The following CALM2 variants were observed in gnomAD, a reference collection of about 807,000 sequenced individuals.
CALM2 encodes calmodulin-2.
In CALM2, 2 loss-of-function variants were observed where a neutral mutation model predicts 19.8. That is an observed-to-expected ratio of 0.10 (90% CI 0.04 to 0.32). The LOEUF is 0.32. CALM2 is among the 10% of genes least tolerant of loss of function. The pLI, the probability that CALM2 is intolerant of heterozygous loss-of-function variation, is 1.00. For missense variants in CALM2, 38 were observed against 178.7 expected, an observed-to-expected ratio of 0.21 and a Z score of 4.49; for synonymous variants, 51 against 52.1, an observed-to-expected ratio of 0.98 and a Z score of 0.09.
chr2:47,176,674 G>C (rs912299596), upstream of CALM2: 6 of 1,432,840 alleles, frequency 4.2e-6, no homozygotes, highest in Non-Finnish European at 5.5e-6. Context: ...GATGAGGCAA[G>C]AGATCAAGGA....
At chr2:47,163,435 G>GT (rs1461471146) in intron 2 of CALM2, 146 of 143,792 alleles carry the variant, frequency 1.0e-3, no homozygotes, top group South Asian at 1.1e-3. Flanking sequence ...CCTTCCTGCT[G>GT]TTGTTTTTTT....
intron 1 of CALM2, chr2:47,172,614 CTTTG>C (rs750052079): frequency 5.7e-5 from 24 of 418,328 alleles, no homozygotes; most frequent in Admixed American, 1.9e-4. Flanking sequence ...TCAATGTTAA[CTTTG>C]TTTAAGCTGA....
chr2:47,162,171 C>CAAAAAAAAAAAA (rs56839340), intron 4 of CALM2, 115 bp downstream of exon 4: 167 of 130,126 alleles, frequency 1.3e-3, no homozygotes, highest in East Asian at 2.7e-3. Flanking sequence ...GGTAAATCAT[C>CAAAAAAAAAAAA]AAAAAAAAAA....
chr2:47,171,469 G>A (rs1442292966), intron 1 of CALM2: 1 of 152,274 alleles, frequency 6.6e-6, no homozygotes, highest in South Asian at 2.1e-4. Flanking sequence ...CTATCTTACA[G>A]ATAAGGAATG....
At chr2:47,176,526 G>GC, upstream of CALM2, 1 of 1,586,562 alleles carries the variant, frequency 6.3e-7, no homozygotes, top group Non-Finnish European at 8.6e-7. Context: ...CGCCTCCTCC[G>GC]CCCCCAGCGC....
chr2:47,162,728 G>GT, intron 2 of CALM2, 66 bp from the exon 3 acceptor site: 1 of 1,318,340 alleles, frequency 7.6e-7, no homozygotes, highest in Non-Finnish European at 1.0e-6. Flanking sequence ...TAAATGAAAC[G>GT]TATTAACTCT....
At chr2:47,168,939 G>A (rs1173046939) in intron 2 of CALM2, among the ~76,000 whole-genome samples, 1 of 152,020 alleles carries the variant, frequency 6.6e-6, no homozygotes, top group African/African-American at 2.4e-5. Context: ...CACCATGCCT[G>A]GCTAATTTTT....
chr2:47,172,568 GCATTTATTAAGC>G, intron 1 of CALM2: 1 of 773,106 alleles, frequency 1.3e-6, no homozygotes, highest in Non-Finnish European at 1.8e-6. Context: ...GACATGCATG[GCATTTATTAAGC>G]CCTTTATGGT....
At chr2:47,172,158 G>T (rs754114726) in intron 1 of CALM2, 1 of 205,404 alleles carries the variant, frequency 4.9e-6, no homozygotes, top group South Asian at 6.8e-5. Context: ...AAGGAATAAG[G>T]TTTAAAATCC....
chr2:47,167,799 A>ATTTTTTTTTTTTTTTTTTTTTTTT (rs1277883594), intron 2 of CALM2: 2 of 20,076 alleles, frequency 1.0e-4, no homozygotes, highest in African/African-American at 2.3e-4. Context: ...AAAAAAAAAA[A>ATTTTTTTTTTTTTTTTTTTTTTTT]TTTTTTTTTC....
At chr2:47,169,156 A>C (rs1427182467) in intron 2 of CALM2, among the ~76,000 whole-genome samples, 2 of 152,204 alleles carry the variant, frequency 1.3e-5, no homozygotes, top group African/African-American at 4.8e-5. Context: ...TTTCTACCCT[A>C]AAGTGAACAT....
chr2:47,175,380 C>T (rs78584946), intron 1 of CALM2, among the ~76,000 whole-genome samples: 3,169 of 152,178 alleles, frequency 0.021, 49 homozygotes, highest in Non-Finnish European at 0.032. Context: ...TCAAAGGCAT[C>T]CATCCAATTG....
intron 2 of CALM2, chr2:47,163,006 AAAG>A (rs1687204113): frequency 5.9e-6 from 1 of 168,810 alleles, no homozygotes; most frequent in Non-Finnish European, 1.3e-5. Context: ...TTACAGAGGA[AAAG>A]AACCAAATCC....
At chr2:47,173,280 AG>A (rs1666735181) in intron 1 of CALM2, 1 of 152,202 alleles carries the variant, frequency 6.6e-6, no homozygotes, top group South Asian at 2.1e-4. Flanking sequence ...AAGAACCAGA[AG>A]AATTATACTT....
At chr2:47,170,674 G>A (rs970895111) in intron 2 of CALM2, 60 bp downstream of exon 2, 21 of 1,240,532 alleles carry the variant, frequency 1.7e-5, no homozygotes, top group Middle Eastern at 1.9e-4. Flanking sequence ...TTATTCTGAC[G>A]TTGGCTATTC....
intron 2 of CALM2, among the ~76,000 whole-genome samples, chr2:47,169,156 A>G (rs1427182467): frequency 2.0e-5 from 3 of 152,204 alleles, no homozygotes; most frequent in East Asian, 1.9e-4. Context: ...TTTCTACCCT[A>G]AAGTGAACAT....
At position 47,160,572 on chromosome 2, in the gene CALM2, G is replaced by A; in HGVS notation, c.*204C>T. ...ATCCAGAGTAAGCCACATGCAACAT[G>A]TTACTTGATCAATTTTCTAAAATAA... On this transcript the variant is annotated 3_prime_UTR_variant, in exon 6 of 6. Transcript: ENST00000272298. 2.2e-6 allele frequency: 1 copy of A among 454,408 alleles called. No homozygotes were observed. The highest frequency in any genetic ancestry group is 5.9e-4 in the Middle Eastern group (1 of 1,702). The allele number at this position is 454,408 out of a possible 1,614,324, so 28.1% of individuals were successfully genotyped here.
intron 2 of CALM2, 139 bp from the exon 3 acceptor site, chr2:47,162,801 C>G: frequency 3.1e-6 from 2 of 639,954 alleles, no homozygotes. Context: ...CCTGGCCAAA[C>G]TGTAAGACCC....
intron 1 of CALM2, 79 bp downstream of exon 1, chr2:47,176,362 G>C (rs996451360): frequency 6.4e-7 from 1 of 1,553,924 alleles, no homozygotes; most frequent in African/African-American, 1.4e-5. Flanking sequence ...TAAGGGAGGC[G>C]AGTTTCCTTT....
Sources: allele counts gnomAD v4.1 joint callset (sites outside exome capture counted in the v4.1 genomes callset), GRCh38; gene constraint gnomAD v4.1.1; transcripts MANE v1.5; gene names NCBI Gene and HGNC (gene_info 2026-07-23, HGNC 2026-07-21).